SUSD2: variants seen among roughly 807,000 people sequenced by gnomAD.
SUSD2 encodes the protein sushi domain containing 2.
SUSD2 carries 86 observed loss-of-function variants against 93.8 expected under a neutral mutation model. The ratio of observed to expected loss-of-function variants is 0.92; its 90% CI spans 0.77 to 1.10. SUSD2 has a LOEUF of 1.10. Among genes scored for constraint, SUSD2 ranks in the 50% least tolerant of loss-of-function variants. SUSD2 has a pLI of 0.00. For synonymous variants in SUSD2, 483 were observed against 485.0 expected (o/e 1.00, Z 0.05); for missense variants, 1,060 against 1,137.0 (o/e 0.93, Z 0.97).
chr22:24,184,745 A>G, intron 4 of SUSD2, 21 bp from the exon 5 acceptor site: 2 of 1,556,300 alleles, frequency 1.3e-6, no homozygotes, highest in South Asian at 2.4e-5. Context: ...CCCAGGGCTA[A>G]CCAGGCATCC....
At chr22:24,186,741 A>T (rs1395916920) in intron 10 of SUSD2, 3 of 429,438 alleles carry the variant, frequency 7.0e-6, no homozygotes, top group Non-Finnish European at 1.3e-5. Flanking sequence ...CTCAAAAGCC[A>T]CTGCAAGGTC....
rs758129260 is a variant in SUSD2 at position 24,186,054 on chromosome 22, G to A, written c.1378G>A (p.Gly460Ser). Residue 460 changes from glycine to serine, a missense_variant, in exon 9 of 15, where the codon GGC (glycine) becomes AGC (serine). Around this residue, in one of 2 missense-constraint regions of SUSD2, gnomAD observed 973 missense variants for 1,005.3 expected, o/e 0.97. Transcript: ENST00000358321. ...AGACCCACACTTTGTGACCTTCGAC[G>A]GCACCAACTTCACATTCAATGGGCG... The part of the protein sequence containing the change: ...FGDPHFVTFD[G>S]TNFTFNGRGE... The A allele has an allele frequency of 4.3e-6, 7 of 1,612,164 alleles. No individual in the cohort carries two copies. The highest frequency in any genetic ancestry group is 2.2e-5 in the East Asian group (1 of 44,840).
chr22:24,188,154 T>C lies in SUSD2; in HGVS notation c.2341+19T>C. 6.2e-7 allele frequency: 1 copy of C among 1,607,426 alleles called. No individual in the cohort carries two copies. Among genetic ancestry groups the C allele is most frequent in the Admixed American group, 1.7e-5 (1 of 59,758 alleles). ...CAGCCAGGTGAGGACACTCTGCTCA[T>C]ACACCTGCCTGCACCTGTCCCCACT... On this transcript the variant is annotated intron_variant, in intron 13 of 14. Coordinates refer to ENST00000358321, the MANE Select transcript of SUSD2 (RefSeq NM_019601.4). This position sits in a 1 kb window ranked among gnomAD's most constrained non-coding sequence, Gnocchi z 4.7.
chr22:24,186,195 G>T, intron 9 of SUSD2, 36 bp downstream of exon 9: 1 of 1,608,654 alleles, frequency 6.2e-7, no homozygotes, highest in Non-Finnish European at 8.5e-7. Flanking sequence ...TGGTTGGCAT[G>T]GGGTAGAACC....
intron 1 of SUSD2, chr22:24,182,813 T>C (rs1375594692): frequency 9.5e-6 from 5 of 527,338 alleles, no homozygotes; most frequent in Admixed American, 7.0e-5. Flanking sequence ...TTTTGCCTCT[T>C]CTCGCTGCAT....
At position 24,184,755 on chromosome 22, in the gene SUSD2, C is replaced by G. The variant is rs200061448; in HGVS notation, c.608-11C>G. On this transcript the variant is annotated splice_polypyrimidine_tract_variant and intron_variant, in intron 4 of 14. Coordinates refer to ENST00000358321, the MANE Select transcript of SUSD2 (RefSeq NM_019601.4). ...GGAACCCCAGGGCTAACCAGGCATC[C>G]TCTCCCTCAGGAATGCCCTACTCAC... 1.8e-5 allele frequency: 28 copies of G among 1,565,370 alleles called. No homozygotes were observed. Among genetic ancestry groups the G allele is most frequent in the Non-Finnish European group, 2.3e-5 (27 of 1,154,880 alleles).
At chr22:24,181,790 C>T (rs1006940676) in intron 1 of SUSD2, among the ~76,000 whole-genome samples, 195 bp downstream of exon 1, 1 of 152,200 alleles carries the variant, frequency 6.6e-6, no homozygotes, top group Non-Finnish European at 1.5e-5. Flanking sequence ...GAGCCGGGCC[C>T]ACCCTAAACC....
intron 10 of SUSD2, 25 bp from the exon 11 acceptor site, chr22:24,187,177 C>A (rs2047372437): frequency 1.9e-6 from 3 of 1,606,094 alleles, no homozygotes; most frequent in Non-Finnish European, 2.5e-6. Context: ...AGCGGGTGAC[C>A]CTAATGCATC....
rs778751337 is a variant in SUSD2, at chr22:24,184,203, C to T, written c.507C>T (p.Tyr169=). 2.1e-5 allele frequency: 34 copies of T among 1,613,514 alleles called. No individual in the cohort carries two copies. The highest frequency in any genetic ancestry group is 2.3e-5 in the Non-Finnish European group (27 of 1,179,964). ...TGAACGAGACGCGTTGGCAATACTA[C>T]GGCACCGCCAACACCTCAGGCAACC... ...ELVNETRWQY[Y]GTANTSGNLS... The change falls in exon 4 of 15, where the codon TAC becomes TAT. Residue 169 remains tyrosine, a synonymous_variant. Coordinates refer to ENST00000358321, the MANE Select transcript of SUSD2 (RefSeq NM_019601.4).
In SUSD2 at chr22:24,184,357, G is replaced by T. The variant is rs1601339514; in HGVS notation, c.607+54G>T. The T allele has an allele frequency of 5.7e-6, 9 of 1,578,284 alleles. No individual in the cohort carries two copies. In the East Asian group the frequency reaches 2.0e-4, roughly 36 times the overall value. On this transcript the variant is annotated intron_variant, in intron 4 of 14. Coordinates refer to ENST00000358321, the MANE Select transcript of SUSD2 (RefSeq NM_019601.4). ...TCAGAGCTTTGGGCCCCCAGAGGGGGAGAAAGGGGGTCCCAGCTGTGTGGG... is the reference window on the plus strand; with the variant it reads ...TCAGAGCTTTGGGCCCCCAGAGGGGTAGAAAGGGGGTCCCAGCTGTGTGGG...
chr22:24,184,257 G>A lies in SUSD2; in HGVS notation c.561G>A (p.Leu187=). Residue 187 remains leucine (L), a synonymous_variant, in exon 4 of 15, where the codon CTG becomes CTA. Coordinates refer to ENST00000358321, the MANE Select transcript of SUSD2 (RefSeq NM_019601.4). ...NLSLTWHVKS[L]PTQTITIELW... Reference sequence around the variant, plus strand: ...GCCTGACCTGGCATGTCAAGTCGCTGCCCACGCAGACCATCACCATCGAAC... The same window carrying A: ...GCCTGACCTGGCATGTCAAGTCGCTACCCACGCAGACCATCACCATCGAAC... The A allele has an allele frequency of 6.2e-7, 1 of 1,613,678 alleles. No homozygotes were observed. Among genetic ancestry groups the A allele is most frequent in the Non-Finnish European group, 8.5e-7 (1 of 1,180,014 alleles).
Position 24,188,178 on chromosome 22 carries a change from C to T in SUSD2, c.2341+43C>T. On this transcript the variant is annotated intron_variant, in intron 13 of 14. Transcript: ENST00000358321. The surrounding 1 kb of genome is among the most constrained non-coding windows in gnomAD (Gnocchi z 4.7). ...ATACACCTGCCTGCACCTGTCCCCA[C>T]TCACCACCCCAGAGAGCCCCCTCAC... The T allele has an allele frequency of 6.3e-7, 1 of 1,596,656 alleles. No homozygotes were observed. Among genetic ancestry groups the T allele is most frequent in the African/African-American group, 1.3e-5 (1 of 74,814 alleles).
chr22:24,186,143 CG>C lies in SUSD2; in HGVS notation c.1470del (p.Thr491ArgfsTer13). On this transcript the variant is annotated frameshift_variant, in exon 9 of 15. Transcript: ENST00000358321. LOFTEE classifies it high-confidence loss of function. ...DLRVQARAQP[G>X]TMSNGTETRG... ...TGAGGGTGCAGGCGCGGGCCCAGCC[CG>C]GGACGATGTCCAACGGTGAGGCCAG... 6.2e-7 allele frequency: 1 copy of C among 1,609,846 alleles called. No individual in the cohort carries two copies. The highest frequency in any genetic ancestry group is 8.5e-7 in the Non-Finnish European group (1 of 1,178,244).
chr22:24,188,342 C>T lies in SUSD2; in HGVS notation c.2444+15C>T. 1 of 1,609,630 alleles carries T rather than the reference C, an allele frequency of 6.2e-7. No homozygotes were observed. The highest frequency in any genetic ancestry group is 8.5e-7 in the Non-Finnish European group (1 of 1,179,100). ...AAGGGCAACACGTGAGACCCCCCAG[C>T]CCCTCTCCCAAGACCCCGAGACAGC... On this transcript the variant is annotated intron_variant, in intron 14 of 14. Coordinates refer to ENST00000358321, the MANE Select transcript of SUSD2 (RefSeq NM_019601.4). The surrounding 1 kb of genome is among the most constrained non-coding windows in gnomAD (Gnocchi z 4.7).
At chr22:24,183,304 C>T (rs781324613) in intron 2 of SUSD2, 37 bp downstream of exon 2, 10 of 1,574,190 alleles carry the variant, frequency 6.4e-6, no homozygotes, top group South Asian at 4.5e-5. Flanking sequence ...TGGGGCCCCA[C>T]GCCCCCATCC....
chr22:24,187,147 G>T, intron 10 of SUSD2, 55 bp from the exon 11 acceptor site: 1 of 1,577,328 alleles, frequency 6.3e-7, no homozygotes, highest in Non-Finnish European at 8.6e-7. Flanking sequence ...TGGGGCTGCG[G>T]GAGGGGACAA....
At chr22:24,186,498 C>G in intron 10 of SUSD2, 83 bp downstream of exon 10, 1 of 1,502,306 alleles carries the variant, frequency 6.7e-7, no homozygotes, top group Non-Finnish European at 9.0e-7. Context: ...AAGCCCTGGG[C>G]CTTCATGCCT....
chr22:24,184,864 C>T lies in SUSD2; in HGVS notation c.706C>T (p.Pro236Ser), dbSNP rs1312145899. 2.5e-6 allele frequency: 4 copies of T among 1,613,948 alleles called. No individual in the cohort carries two copies. The highest frequency in any genetic ancestry group is 2.2e-5 in the East Asian group (1 of 44,890). ...CGGCTCTTTCACTTTCACCCCAAAA[C>T]CTGCTCCTCCCAGCTACCAGAGATG... The part of the protein sequence containing the change: ...NSGSFTFTPK[P>S]APPSYQRWRV... Residue 236 changes from proline to serine, a missense_variant, in exon 5 of 15, where the codon CCT becomes TCT. This residue lies in a region of SUSD2 where 973 missense variants were observed against 1,005.3 expected (regional missense o/e 0.97). Transcript: ENST00000358321.
At position 24,188,264 on chromosome 22, in the gene SUSD2, G is replaced by A. The variant is rs1247166526; in HGVS notation, c.2381G>A (p.Gly794Asp). The A allele has an allele frequency of 1.2e-6, 2 of 1,604,664 alleles. No homozygotes were observed. Among genetic ancestry groups the A allele is most frequent in the Admixed American group, 1.7e-5 (1 of 59,604 alleles). ...GTGCTGTTGGGCATCATCTTTGGGG[G>A]CCTCGCGGTGGTGGCGGCGGTTGCG... is the stretch of plus-strand genomic sequence containing the variant. ...YAVLLGIIFG[G>D]LAVVAAVALV... The change falls in exon 14 of 15, where the codon GGC (glycine) becomes GAC (aspartate). Residue 794 changes from glycine to aspartate, a missense_variant. Gly to Asp is a moderately conservative substitution (Grantham distance 94). Transcript: ENST00000358321. This position sits in a 1 kb window ranked among gnomAD's most constrained non-coding sequence, Gnocchi z 4.7.
Sources: gnomAD v4.1 joint callset for allele counts (sites outside exome capture counted in the v4.1 genomes callset) on GRCh38, gnomAD v4.1.1 for gene constraint, gnomAD v4.1.1 regional missense constraint, Gnocchi (gnomAD v3.1) non-coding constraint, MANE v1.5 for transcripts, NCBI Gene and HGNC (gene_info 2026-07-23, HGNC 2026-07-21) for gene names.